Variants in ANK3 observed in about 807,000 individuals in gnomAD.
ANK3 encodes ankyrin 3, also known as ankyrin-3.
ANK3 carries 57 observed loss-of-function variants against 370.9 expected under a neutral mutation model. The observed-to-expected ratio is 0.15, with a 90% CI of 0.12 to 0.19. The LOEUF (loss-of-function observed/expected upper bound fraction) is 0.19. Ranked by LOEUF, ANK3 falls within the 10% of genes least tolerant of loss-of-function variation. ANK3 has a pLI of 1.00. For synonymous variants in ANK3, 1,929 were observed against 1,946.3 expected (o/e 0.99, Z 0.23); for missense variants, 4,439 against 5,302.1 (o/e 0.84, Z 5.06).
chr10:60,477,820 T>C (rs1471932936), intron 2 of ANK3, among the ~76,000 whole-genome samples: 1 of 152,050 alleles, frequency 6.6e-6, no homozygotes, highest in Non-Finnish European at 1.5e-5. Flanking sequence ...CCTAATTGTA[T>C]ATCCCTGTTC....
chr10:60,451,345 A>G (rs1000006665), intron 2 of ANK3, among the ~76,000 whole-genome samples: 6 of 152,172 alleles, frequency 3.9e-5, no homozygotes, highest in African/African-American at 1.4e-4. Context: ...TATAGCCTTT[A>G]AAAAGAGATG....
At chr10:60,127,186 G>A (rs2093806118) in intron 25 of ANK3, among the ~76,000 whole-genome samples, 1 of 152,180 alleles carries the variant, frequency 6.6e-6, no homozygotes, top group Non-Finnish European at 1.5e-5. Context: ...TCAAATTTGA[G>A]TCTCACTAGA....
chr10:60,421,672 T>C (rs1290788313), intron 2 of ANK3, among the ~76,000 whole-genome samples: 1 of 151,982 alleles, frequency 6.6e-6, no homozygotes, highest in Non-Finnish European at 1.5e-5. Context: ...CAGGCTACCA[T>C]AGATCTCATA....
rs150184589 is a variant in ANK3, at chr10:60,153,079, C to G, written c.2614+13512G>C. The stretch of plus-strand genomic sequence containing the variant: ...TTGAAACAACCCACATTCTCATCAA[C>G]AGTAGAGTGGATAACTCAGTGTGGT... On this transcript the variant is annotated intron_variant, in intron 23 of 43. Coordinates refer to ENST00000280772, the MANE Select transcript of ANK3 (RefSeq NM_020987.5). Among the ~76,000 whole-genome samples the G allele has an allele frequency of 1.4e-4, 21 of 152,282 alleles. No individual in the cohort carries two copies. The East Asian group carries it at 4.0e-3, about 29-fold the overall frequency.
intron 1 of ANK3, among the ~76,000 whole-genome samples, chr10:60,637,883 C>T (rs1220589066): frequency 6.6e-6 from 1 of 152,110 alleles, no homozygotes; most frequent in African/African-American, 2.4e-5. Context: ...CATTGAAAAA[C>T]AAGCAGCTCT....
chr10:60,634,371 AT>A (rs2078523678), intron 1 of ANK3, among the ~76,000 whole-genome samples: 1 of 152,188 alleles, frequency 6.6e-6, no homozygotes. Context: ...AAATGAGCTA[AT>A]AAGAAATATT....
intron 43 of ANK3, among the ~76,000 whole-genome samples, chr10:60,030,211 T>TC (rs2073108079): frequency 6.6e-6 from 1 of 152,086 alleles, no homozygotes; most frequent in Non-Finnish European, 1.5e-5. Flanking sequence ...GGCCCGAAAT[T>TC]GGCTCACTGC....
At chr10:60,275,192 T>C (rs1485609405) in intron 4 of ANK3, among the ~76,000 whole-genome samples, 1 of 152,202 alleles carries the variant, frequency 6.6e-6, no homozygotes, top group East Asian at 1.9e-4. Flanking sequence ...CAACAACAGA[T>C]TAAATTCTCA....
At chr10:60,267,188 C>T (rs1011653543) in intron 5 of ANK3, among the ~76,000 whole-genome samples, 8 of 152,120 alleles carry the variant, frequency 5.3e-5, no homozygotes, top group Non-Finnish European at 1.2e-4. Context: ...TTAAAGGATC[C>T]TTTAATTGCC....
chr10:60,168,924 T>C (rs1287759797), intron 21 of ANK3, among the ~76,000 whole-genome samples: 1 of 152,232 alleles, frequency 6.6e-6, no homozygotes, highest in Non-Finnish European at 1.5e-5. Context: ...ATGTACCACA[T>C]TTTCTTTATC....
At chr10:60,044,167 T>C (rs528852810) in intron 42 of ANK3, 9 of 985,672 alleles carry the variant, frequency 9.1e-6, no homozygotes, top group Middle Eastern at 5.2e-4. Flanking sequence ...TAGAGATTTT[T>C]CTGTTTTAGG....
At chr10:60,665,244 T>C (rs185442134) in intron 1 of ANK3, among the ~76,000 whole-genome samples, 1 of 152,236 alleles carries the variant, frequency 6.6e-6, no homozygotes, top group African/African-American at 2.4e-5. Context: ...TTTAAAGAAA[T>C]ATACAAGGGT....
intron 2 of ANK3, among the ~76,000 whole-genome samples, chr10:60,466,697 T>C (rs2065019980): frequency 1.3e-5 from 2 of 152,096 alleles, no homozygotes; most frequent in Non-Finnish European, 2.9e-5. Flanking sequence ...ATAAACAACA[T>C]GTATATATCT....
At chr10:60,134,106 T>C (rs2094223116) in intron 25 of ANK3, among the ~76,000 whole-genome samples, 165 bp downstream of exon 25, 1 of 144,640 alleles carries the variant, frequency 6.9e-6, no homozygotes, top group Non-Finnish European at 1.5e-5. Context: ...GGAATATTTC[T>C]GCTTATAGTA....
chr10:60,729,787 T>C (rs899815303), intron 1 of ANK3, among the ~76,000 whole-genome samples: 9 of 152,232 alleles, frequency 5.9e-5, no homozygotes, highest in Non-Finnish European at 1.2e-4. Flanking sequence ...ATCTGATTGC[T>C]TTCTTCTTGT....
At position 60,027,463 on chromosome 10, in the gene ANK3, A is replaced by G. The variant is rs2131821074; in HGVS notation, c.*2383T>C. 6.6e-6 allele frequency: 1 copy of G among 152,234 alleles called. No individual in the cohort carries two copies. The highest frequency in any genetic ancestry group is 2.1e-4 in the South Asian group (1 of 4,814). 9.4% of individuals were successfully genotyped at this position (152,234 alleles called of 1,614,324 possible). ...TTATCCGTGCATTTCTTCTGCATTG[A>G]TAGTGAATCCTTACTGGGGACAACT... is the stretch of plus-strand genomic sequence containing the variant. On this transcript the variant is annotated 3_prime_UTR_variant, in exon 44 of 44. Coordinates refer to ENST00000280772, the MANE Select transcript of ANK3 (RefSeq NM_020987.5).
At chr10:60,390,950 A>G (rs1027546381), upstream of ANK3, among the ~76,000 whole-genome samples, 2 of 152,168 alleles carry the variant, frequency 1.3e-5, no homozygotes, top group Non-Finnish European at 2.9e-5. Context: ...GCATCATGTG[A>G]GGATTTGGTT....
At chr10:60,250,574 C>T (rs1236395606) in intron 7 of ANK3, among the ~76,000 whole-genome samples, 4 of 152,082 alleles carry the variant, frequency 2.6e-5, no homozygotes, top group Admixed American at 6.5e-5. Flanking sequence ...ACCATGTTAG[C>T]CAGGATGGTC....
chr10:60,228,532 C>CAAAAAAAAAAAAAAAAAAA (rs72450397), intron 8 of ANK3, among the ~76,000 whole-genome samples: 1 of 94,934 alleles, frequency 1.1e-5, no homozygotes, highest in African/African-American at 4.0e-5. Context: ...ACTGTGTCTC[C>CAAAAAAAAAAAAAAAAAAA]AAAAAAAAAA....
Sources: gnomAD v4.1 joint callset for allele counts (sites outside exome capture counted in the v4.1 genomes callset) on GRCh38, gnomAD v4.1.1 for gene constraint, MANE v1.5 for transcripts, NCBI Gene and HGNC (gene_info 2026-07-23, HGNC 2026-07-21) for gene names.